LAMA2: variants seen among roughly 807,000 people sequenced by gnomAD.
LAMA2 encodes laminin subunit alpha-2.
Under a neutral mutation model 364.8 loss-of-function variants are expected in LAMA2, and 269 were observed. The ratio of observed to expected loss-of-function variants is 0.74; its 90% CI spans 0.67 to 0.82. LAMA2 has a LOEUF of 0.82. Ranked by LOEUF, LAMA2 falls within the 40% of genes least tolerant of loss-of-function variation. The pLI is 0.00. For missense variants in LAMA2, 3,807 were observed against 3,873.2 expected (o/e 0.98, Z 0.45); for synonymous variants, 1,379 against 1,370.6 (o/e 1.01, Z -0.14).
intron 1 of LAMA2, among the ~76,000 whole-genome samples, chr6:128,939,161 C>G (rs1163005642): frequency 6.6e-6 from 1 of 152,124 alleles, no homozygotes; most frequent in Non-Finnish European, 1.5e-5. Flanking sequence ...CACAGTTTTG[C>G]TTGGCAAACT....
intron 6 of LAMA2, among the ~76,000 whole-genome samples, chr6:129,148,035 C>A (rs1778572723): frequency 6.6e-6 from 1 of 152,060 alleles, no homozygotes; most frequent in African/African-American, 2.4e-5. Context: ...ATCAACCCAT[C>A]ACCTAGGCAT....
chr6:129,127,827 A>G (rs1325649126), intron 4 of LAMA2, among the ~76,000 whole-genome samples: 5 of 151,754 alleles, frequency 3.3e-5, no homozygotes, highest in Non-Finnish European at 7.4e-5. Context: ...ATGTCTATTC[A>G]GCTTCCTTGC....
At chr6:128,977,280 T>C (rs897237554) in intron 1 of LAMA2, among the ~76,000 whole-genome samples, 1 of 150,882 alleles carries the variant, frequency 6.6e-6, no homozygotes. Context: ...TTTTTTTTTT[T>C]TCAAGGTCTT....
intron 8 of LAMA2, among the ~76,000 whole-genome samples, chr6:129,160,994 G>A (rs1335441392): frequency 6.6e-6 from 1 of 151,958 alleles, no homozygotes; most frequent in Admixed American, 6.6e-5. Flanking sequence ...TCCAATCTGC[G>A]ATTATGGATT....
chr6:129,028,450 G>C (rs1785987523), intron 1 of LAMA2, among the ~76,000 whole-genome samples: 1 of 151,712 alleles, frequency 6.6e-6, no homozygotes, highest in African/African-American at 2.4e-5. Flanking sequence ...GAAATATTAA[G>C]AACCCGAATC....
chr6:128,894,874 A>T (rs1776668244), intron 1 of LAMA2, among the ~76,000 whole-genome samples: 1 of 152,234 alleles, frequency 6.6e-6, no homozygotes, highest in African/African-American at 2.4e-5. Flanking sequence ...CAACACAATG[A>T]AAAGGCAGAT....
chr6:129,132,011 C>T (rs934835745), intron 4 of LAMA2, among the ~76,000 whole-genome samples: 2 of 152,138 alleles, frequency 1.3e-5, no homozygotes, highest in African/African-American at 4.8e-5. Context: ...CTACAATCTC[C>T]TCTTCCTACA....
intron 4 of LAMA2, among the ~76,000 whole-genome samples, chr6:129,123,288 A>G: frequency 6.6e-6 from 1 of 151,182 alleles, no homozygotes; most frequent in African/African-American, 2.4e-5. Context: ...CCTGAGCGAT[A>G]GAGTAAGACT....
At chr6:129,251,068 CTCTCTCTCTATATATATATA>C (rs1562379212) in intron 13 of LAMA2, among the ~76,000 whole-genome samples, 11 of 68,540 alleles carry the variant, frequency 1.6e-4, no homozygotes, top group Admixed American at 3.5e-4. Flanking sequence ...CTCTCTCTCT[CTCTCTCTCTATATATATATA>C]TATATATATA....
At chr6:129,348,448 C>T (rs982907212) in intron 30 of LAMA2, among the ~76,000 whole-genome samples, 1 of 152,126 alleles carries the variant, frequency 6.6e-6, no homozygotes, top group African/African-American at 2.4e-5. Context: ...TTCCAAGTTT[C>T]CAATGCATCA....
At chr6:129,223,722 A>C (rs1324112239) in intron 12 of LAMA2, among the ~76,000 whole-genome samples, 6 of 152,194 alleles carry the variant, frequency 3.9e-5, no homozygotes, top group Non-Finnish European at 5.9e-5. Flanking sequence ...TGGTACCAGT[A>C]CCATGCTGTT....
chr6:129,393,952 A>G (rs747994994), intron 37 of LAMA2, among the ~76,000 whole-genome samples: 3 of 152,206 alleles, frequency 2.0e-5, no homozygotes, highest in African/African-American at 7.2e-5. Context: ...CACACAGATA[A>G]CAGTTACTTC....
At chr6:129,048,207 TACAG>T (rs1280814559) in intron 1 of LAMA2, among the ~76,000 whole-genome samples, 1 of 152,208 alleles carries the variant, frequency 6.6e-6, no homozygotes, top group Non-Finnish European at 1.5e-5. Flanking sequence ...ATGCAGATGA[TACAG>T]ACAAACATTT....
intron 14 of LAMA2, among the ~76,000 whole-genome samples, chr6:129,254,291 AC>A (rs1415836901): frequency 6.6e-6 from 1 of 152,220 alleles, no homozygotes; most frequent in Non-Finnish European, 1.5e-5. Context: ...CAGAAGGAGA[AC>A]TGGACTGCGG....
intron 28 of LAMA2, among the ~76,000 whole-genome samples, chr6:129,320,862 A>G (rs1774922708): frequency 6.6e-6 from 1 of 152,234 alleles, no homozygotes; most frequent in Admixed American, 6.5e-5. Context: ...TCAAAAATTT[A>G]AAGATTTGTG....
chr6:129,301,491 C>T (rs766219825), intron 22 of LAMA2, among the ~76,000 whole-genome samples: 1 of 151,908 alleles, frequency 6.6e-6, no homozygotes, highest in Non-Finnish European at 1.5e-5. Flanking sequence ...ATATATAGGG[C>T]GCGAGTTACA....
chr6:129,115,496 C>T (rs1776425791), intron 4 of LAMA2, among the ~76,000 whole-genome samples: 2 of 152,050 alleles, frequency 1.3e-5, no homozygotes, highest in African/African-American at 2.4e-5. Flanking sequence ...GCTGTTTATT[C>T]ATTTTAAAGA....
At chr6:128,885,610 T>G (rs951448313) in intron 1 of LAMA2, among the ~76,000 whole-genome samples, 18 of 152,176 alleles carry the variant, frequency 1.2e-4, no homozygotes, top group African/African-American at 4.3e-4. Context: ...ATGATCAACT[T>G]TTCTGTTTTC....
At chr6:129,167,630 A>G (rs1779845401) in intron 9 of LAMA2, among the ~76,000 whole-genome samples, 1 of 152,098 alleles carries the variant, frequency 6.6e-6, no homozygotes, top group African/African-American at 2.4e-5. Context: ...ATACGTGTGC[A>G]TGTGTCTTCA....
Sources: gnomAD v4.1 joint callset for allele counts (sites outside exome capture counted in the v4.1 genomes callset) on GRCh38, gnomAD v4.1.1 for gene constraint, MANE v1.5 for transcripts, NCBI Gene and HGNC (gene_info 2026-07-23, HGNC 2026-07-21) for gene names.